Variants in SCN2A observed in about 807,000 individuals in gnomAD.
The protein encoded by SCN2A is sodium channel protein type 2 subunit alpha.
SCN2A carries 20 observed loss-of-function variants against 188.7 expected under a neutral mutation model. The ratio of observed to expected loss-of-function variants is 0.11; its 90% CI spans 0.07 to 0.15. SCN2A has a LOEUF of 0.15. SCN2A is among the 10% of genes least tolerant of loss of function. The probability of loss-of-function intolerance (pLI) is 1.00; values close to 1 mark genes in which losing one functional copy is unlikely to be tolerated. For synonymous variants in SCN2A, 804 were observed against 833.1 expected (o/e 0.97, Z 0.60); for missense variants, 1,278 against 2,445.0 (o/e 0.52, Z 10.07).
At position 165,291,436 on chromosome 2, in the gene SCN2A, C is replaced by CTCTTTCTTTCTTTCTTTCTT. The variant is rs1220470911; in HGVS notation, c.-51-4299_-51-4280dup. Among the ~76,000 whole-genome samples, 17 of 65,424 alleles carry CTCTTTCTTTCTTTCTTTCTT rather than the reference C, an allele frequency of 2.6e-4. 1 individual carries two copies. Among genetic ancestry groups the CTCTTTCTTTCTTTCTTTCTT allele is most frequent in the Admixed American group, 3.7e-4 (2 of 5,432 alleles). The allele number at this position is 65,424 out of a possible 152,430, so 42.9% of individuals were successfully genotyped here. On this transcript the variant is annotated intron_variant, in intron 1 of 26. Transcript: ENST00000375437. ...CCTTCCTCCCTGTCTGTCTTTCTTT[C>CTCTTTCTTTCTTTCTTTCTT]TCTTTCTTTCTTTCTTTCTTTCTTT... is the stretch of plus-strand genomic sequence containing the variant.
chr2:165,359,747 T>G (rs1700362818), intron 17 of SCN2A, among the ~76,000 whole-genome samples: 1 of 151,958 alleles, frequency 6.6e-6, no homozygotes, highest in Non-Finnish European at 1.5e-5. Flanking sequence ...GGGATAGTGA[T>G]TAAGATGGAA....
intron 17 of SCN2A, among the ~76,000 whole-genome samples, chr2:165,364,230 C>T (rs903361324): frequency 1.3e-5 from 2 of 152,056 alleles, no homozygotes; most frequent in Admixed American, 1.3e-4. Flanking sequence ...TGCTGTGGCC[C>T]AAACTACTCT....
chr2:165,243,718 C>A (rs762836127), intron 1 of SCN2A: 1 of 152,036 alleles, frequency 6.6e-6, no homozygotes, highest in Non-Finnish European at 1.5e-5. Flanking sequence ...GTTACAGAAT[C>A]CTCTTGGGGC....
chr2:165,314,832 G>A (rs888475884), intron 10 of SCN2A, among the ~76,000 whole-genome samples: 3 of 151,934 alleles, frequency 2.0e-5, no homozygotes, highest in African/African-American at 7.3e-5. Flanking sequence ...TTTTATTACC[G>A]AGTATTCCTA....
At position 165,288,603 on chromosome 2, in the gene SCN2A, T is replaced by A. The variant is rs200473742; in HGVS notation, c.-51-7170T>A. ...ACGTGAGTTCTTCATATTCTACTAT[T>A]CTCTGTTTCTACTCTACAGCAGAAA... is the stretch of plus-strand genomic sequence containing the variant. On this transcript the variant is annotated intron_variant, in intron 1 of 26. Transcript: ENST00000375437. Among the ~76,000 whole-genome samples the A allele has an allele frequency of 1.4e-4, 21 of 152,002 alleles. No homozygotes were observed. The East Asian group carries it at 2.9e-3, about 21-fold the overall frequency.
chr2:165,298,816 A>G (rs1369365841), intron 3 of SCN2A, among the ~76,000 whole-genome samples: 1 of 152,166 alleles, frequency 6.6e-6, no homozygotes, highest in Non-Finnish European at 1.5e-5. Flanking sequence ...ATTTATATAT[A>G]AAATTACGTG....
At chr2:165,358,494 T>G (rs2105344636) in intron 17 of SCN2A, among the ~76,000 whole-genome samples, 1 of 152,252 alleles carries the variant, frequency 6.6e-6, no homozygotes, top group South Asian at 2.1e-4. Context: ...CAACAGTATT[T>G]TGTATTTAGA....
intron 11 of SCN2A, among the ~76,000 whole-genome samples, chr2:165,317,676 G>A (rs945941901): frequency 6.6e-6 from 1 of 152,088 alleles, no homozygotes; most frequent in African/African-American, 2.4e-5. Context: ...TCATAGATAT[G>A]ATATTCTCCC....
chr2:165,292,420 C>T (rs541176156), intron 1 of SCN2A, among the ~76,000 whole-genome samples: 18 of 152,024 alleles, frequency 1.2e-4, no homozygotes, highest in Non-Finnish European at 2.4e-4. Flanking sequence ...ACGATTGAAC[C>T]CACCACCCAG....
chr2:165,314,168 G>T lies in SCN2A; in HGVS notation c.1383+60G>T, dbSNP rs549808578. On this transcript the variant is annotated intron_variant, in intron 10 of 26. Coordinates refer to ENST00000375437, the MANE Select transcript of SCN2A (RefSeq NM_001040142.2). ...TTTATCTAAATTCTTTAACCTAAAT[G>T]TTGAGGTCAGTGGCAAGGTAGTTGA... 4 of 1,529,654 alleles carry T rather than the reference G, an allele frequency of 2.6e-6. No homozygotes were observed. In the South Asian group the frequency reaches 4.7e-5, roughly 18 times the overall value. The allele number at this position is 1,529,654 out of a possible 1,614,324, so 94.8% of individuals were successfully genotyped here.
chr2:165,337,108 C>T (rs762271764), intron 14 of SCN2A, among the ~76,000 whole-genome samples: 22 of 151,550 alleles, frequency 1.5e-4, no homozygotes, highest in Admixed American at 5.9e-4. Flanking sequence ...AGAACATGAG[C>T]AGAAAAAAAT....
intron 1 of SCN2A, chr2:165,268,040 CT>C (rs1238359558): frequency 6.6e-6 from 1 of 151,810 alleles, no homozygotes; most frequent in Non-Finnish European, 1.5e-5. Flanking sequence ...ATGTAAATTC[CT>C]CAAAAAAGTA....
chr2:165,346,578 A>G (rs1699598785), intron 16 of SCN2A, among the ~76,000 whole-genome samples: 1 of 152,214 alleles, frequency 6.6e-6, no homozygotes, highest in Non-Finnish European at 1.5e-5. Context: ...ACCAAAAGCA[A>G]TGGTAACAAA....
chr2:165,371,557 G>A (rs1322876208), intron 20 of SCN2A: 5 of 152,172 alleles, frequency 3.3e-5, no homozygotes, highest in South Asian at 2.1e-4. Context: ...AATGCTAGCA[G>A]GCACAGCTGA....
intron 1 of SCN2A, chr2:165,267,457 A>G (rs1694919925): frequency 6.6e-6 from 1 of 152,010 alleles, no homozygotes; most frequent in Non-Finnish European, 1.5e-5. Flanking sequence ...GAAGAATGAA[A>G]TTGGACCCTT....
chr2:165,338,931 C>G (rs1023019728), intron 14 of SCN2A, among the ~76,000 whole-genome samples: 1 of 152,030 alleles, frequency 6.6e-6, no homozygotes, highest in Non-Finnish European at 1.5e-5. Context: ...TCAGAAAACC[C>G]TACATCTAGC....
At chr2:165,289,976 G>T (rs1274591231) in intron 1 of SCN2A, among the ~76,000 whole-genome samples, 1 of 152,120 alleles carries the variant, frequency 6.6e-6, no homozygotes, top group Non-Finnish European at 1.5e-5. Flanking sequence ...GAAATCTGCA[G>T]CCAGCAAGCA....
chr2:165,307,926 A>T lies in SCN2A; in HGVS notation c.465A>T (p.Thr155=). 6.2e-7 allele frequency: 1 copy of T among 1,602,902 alleles called. No individual in the cohort carries two copies. The highest frequency in any genetic ancestry group is 1.1e-5 in the South Asian group (1 of 90,838). The change falls in exon 4 of 27, where the codon ACA becomes ACT. Residue 155 remains threonine, a synonymous_variant. Transcript: ENST00000375437. Reference sequence around the variant, plus strand: ...CCATGAGTAACCCTCCAGACTGGACAAAGAATGTGGAGTAAGTATAAATAT... The same window carrying T: ...CCATGAGTAACCCTCCAGACTGGACTAAGAATGTGGAGTAAGTATAAATAT... ...FMTMSNPPDW[T]KNVEYTFTGI...
chr2:165,290,605 T>G (rs903600809), intron 1 of SCN2A: 3 of 185,102 alleles, frequency 1.6e-5, no homozygotes, highest in African/African-American at 4.8e-5. Context: ...ATAAATTTGT[T>G]TATTCTTAAT....
Sources: allele counts gnomAD v4.1 joint callset (sites outside exome capture counted in the v4.1 genomes callset), GRCh38; gene constraint gnomAD v4.1.1; transcripts MANE v1.5; gene names NCBI Gene and HGNC (gene_info 2026-07-23, HGNC 2026-07-21).